Variants in SYT14 observed in about 807,000 individuals in gnomAD.
SYT14 encodes the protein synaptotagmin 14, also known as synaptotagmin-14.
In SYT14, 32 loss-of-function variants were observed where a neutral mutation model predicts 74.2. The ratio of observed to expected loss-of-function variants is 0.43; its 90% CI spans 0.33 to 0.58. The LOEUF (loss-of-function observed/expected upper bound fraction) is 0.58, where lower values mean the gene tolerates loss of function less well. SYT14 is among the 20% of genes least tolerant of loss of function. The pLI, the probability that SYT14 is intolerant of heterozygous loss-of-function variation, is 0.05. For missense variants in SYT14, 791 were observed against 981.8 expected, an observed-to-expected ratio of 0.81 and a Z score of 2.60; for synonymous variants, 298 against 337.7, an observed-to-expected ratio of 0.88 and a Z score of 1.29.
chr1:210,140,740 AT>A (rs961244683), intron 7 of SYT14, among the ~76,000 whole-genome samples: 4 of 152,064 alleles, frequency 2.6e-5, no homozygotes, highest in Admixed American at 2.6e-4. Flanking sequence ...TGTCCCAACA[AT>A]TTGTTGAAAA....
exon 8 of SYT14, chr1:210,155,909 C>T: frequency 6.2e-7 from 1 of 1,613,976 alleles, no homozygotes; most frequent in Non-Finnish European, 8.5e-7. Context: ...ACAGACCACC[C>T]AGTGAGTGAA....
At chr1:209,990,697 G>A (rs550049737) in intron 2 of SYT14, among the ~76,000 whole-genome samples, 1 of 150,036 alleles carries the variant, frequency 6.7e-6, no homozygotes, top group African/African-American at 2.4e-5. Context: ...CACATTGTAT[G>A]CCTGTATCAA....
At position 210,070,327 on chromosome 1, in the gene SYT14, C is replaced by G. The variant is rs1426180545; in HGVS notation, c.1313-23995C>G. Reference sequence around the variant, plus strand: ...AGTTCCCTTTTATAATCCATTGCAGCAATAGCAGTTTTCACTTTTAGAAAA... The same window carrying G: ...AGTTCCCTTTTATAATCCATTGCAGGAATAGCAGTTTTCACTTTTAGAAAA... On this transcript the variant is annotated intron_variant, in intron 5 of 9. Transcript: ENST00000637265. 2.5e-4 allele frequency among the ~76,000 whole-genome samples: 38 copies of G among 152,052 alleles called. 1 individual carries two copies.
chr1:210,122,815 T>C (rs1438643399), intron 7 of SYT14, among the ~76,000 whole-genome samples: 1 of 152,210 alleles, frequency 6.6e-6, no homozygotes, highest in Admixed American at 6.5e-5. Flanking sequence ...ATTGTAAGAT[T>C]AATATAATCT....
At chr1:209,940,133 C>T (rs1406071747) in intron 1 of SYT14, among the ~76,000 whole-genome samples, 1 of 152,160 alleles carries the variant, frequency 6.6e-6, no homozygotes, top group Non-Finnish European at 1.5e-5. Context: ...AATATTAGCA[C>T]TTCAGATAAA....
intron 5 of SYT14, among the ~76,000 whole-genome samples, chr1:210,090,644 C>T (rs773655747): frequency 2.6e-4 from 39 of 152,070 alleles, no homozygotes; most frequent in Non-Finnish European, 3.7e-4. Context: ...GGTAATAAAG[C>T]AGGAACTAAA....
intron 5 of SYT14, among the ~76,000 whole-genome samples, chr1:210,076,465 C>A (rs771944517): frequency 1.3e-5 from 2 of 152,210 alleles, no homozygotes; most frequent in African/African-American, 4.8e-5. Flanking sequence ...AACTACTACT[C>A]ATCTACTTTC....
At chr1:209,942,420 A>G (rs1572043668) in intron 1 of SYT14, among the ~76,000 whole-genome samples, 1 of 131,408 alleles carries the variant, frequency 7.6e-6, no homozygotes, top group African/African-American at 2.9e-5. Flanking sequence ...TTAAGTAACC[A>G]GGAATCTGAG....
chr1:210,021,313 C>T, intron 5 of SYT14, 59 bp downstream of exon 4: 1 of 1,459,830 alleles, frequency 6.9e-7, no homozygotes, highest in South Asian at 1.2e-5. Flanking sequence ...ATTACTTGTG[C>T]CTGAAATTCT....
chr1:210,099,905 G>T (rs2082030645), intron 6 of SYT14, 107 bp from the exon 6 acceptor site: 1 of 1,107,744 alleles, frequency 9.0e-7, no homozygotes, highest in East Asian at 2.6e-5. Flanking sequence ...TACTTTCTTT[G>T]TGGCAGAATT....
intron 1 of SYT14, among the ~76,000 whole-genome samples, chr1:209,944,074 ATTATT>A (rs1210664056): frequency 6.6e-6 from 1 of 152,192 alleles, no homozygotes; most frequent in Non-Finnish European, 1.5e-5. Flanking sequence ...TATTCAAGAT[ATTATT>A]TTGAGTCATC....
chr1:209,977,161 A>C (rs925169208), intron 2 of SYT14, among the ~76,000 whole-genome samples: 1 of 152,152 alleles, frequency 6.6e-6, no homozygotes, highest in Non-Finnish European at 1.5e-5. Context: ...TGTTTGTCCA[A>C]TTTGCCAGTC....
intron 5 of SYT14, among the ~76,000 whole-genome samples, chr1:210,057,254 T>C (rs2081116919): frequency 6.6e-6 from 1 of 152,202 alleles, no homozygotes; most frequent in Non-Finnish European, 1.5e-5. Context: ...TAAAACCTTC[T>C]CTAGTTGGCC....
At chr1:210,063,754 C>G (rs1243921690) in intron 5 of SYT14, among the ~76,000 whole-genome samples, 1 of 151,798 alleles carries the variant, frequency 6.6e-6, no homozygotes. Context: ...TATTAGTAAT[C>G]ACTTATTCTT....
chr1:210,096,560 A>G (rs1201628483), intron 6 of SYT14, among the ~76,000 whole-genome samples: 1 of 152,178 alleles, frequency 6.6e-6, no homozygotes, highest in East Asian at 1.9e-4. Flanking sequence ...ATCCTGTCTC[A>G]CTGTCTTCTT....
intron 1 of SYT14, among the ~76,000 whole-genome samples, chr1:209,949,840 T>G (rs2078883819): frequency 6.6e-6 from 1 of 152,194 alleles, no homozygotes; most frequent in Non-Finnish European, 1.5e-5. Flanking sequence ...TTTGCTTGTT[T>G]GACTTTTGTG....
intron 5 of SYT14, among the ~76,000 whole-genome samples, chr1:210,051,278 G>A (rs945828948): frequency 6.6e-6 from 1 of 152,082 alleles, no homozygotes; most frequent in African/African-American, 2.4e-5. Flanking sequence ...CGTAATGTTT[G>A]TCCTCAGAAT....
At chr1:210,072,160 T>A (rs1256126353) in intron 5 of SYT14, among the ~76,000 whole-genome samples, 1 of 148,668 alleles carries the variant, frequency 6.7e-6, no homozygotes, top group Non-Finnish European at 1.5e-5. Context: ...TACTATTTTT[T>A]AAAAGCATGA....
At chr1:210,147,580 A>G (rs976710583) in intron 7 of SYT14, among the ~76,000 whole-genome samples, 1 of 152,234 alleles carries the variant, frequency 6.6e-6, no homozygotes, top group Non-Finnish European at 1.5e-5. Flanking sequence ...GTAGTGTAAC[A>G]TACTACATGC....
Sources: gnomAD v4.1 joint callset for allele counts (sites outside exome capture counted in the v4.1 genomes callset) on GRCh38, gnomAD v4.1.1 for gene constraint, MANE v1.5 for transcripts, NCBI Gene and HGNC (gene_info 2026-07-23, HGNC 2026-07-21) for gene names.